FAT3: variants seen among roughly 807,000 people sequenced by gnomAD.
FAT3 encodes the protein protocadherin Fat 3.
A neutral mutation model predicts 310.2 loss-of-function variants in FAT3; 95 were observed. The observed-to-expected ratio is 0.31, with a 90% CI of 0.26 to 0.36. FAT3 has a LOEUF of 0.36. Ranked by LOEUF, FAT3 falls within the 10% of genes least tolerant of loss-of-function variation. The pLI is 1.00. For missense variants in FAT3, 5,408 were observed against 5,715.6 expected (o/e 0.95, Z 1.74); for synonymous variants, 2,314 against 2,192.9 (o/e 1.06, Z -1.54).
chr11:92,324,216 T>A (rs1428785282), intron 1 of FAT3, among the ~76,000 whole-genome samples: 2 of 152,236 alleles, frequency 1.3e-5, no homozygotes, highest in South Asian at 2.1e-4. Context: ...GTAGCACTTA[T>A]AATTTCCTGC....
intron 1 of FAT3, among the ~76,000 whole-genome samples, chr11:92,326,341 C>T (rs1276578725): frequency 6.6e-6 from 1 of 152,194 alleles, no homozygotes; most frequent in Non-Finnish European, 1.5e-5. Flanking sequence ...TACAATATTG[C>T]AGACTTCAGC....
intron 1 of FAT3, among the ~76,000 whole-genome samples, chr11:92,273,253 T>G (rs1241093609): frequency 6.6e-6 from 1 of 152,128 alleles, no homozygotes; most frequent in African/African-American, 2.4e-5. Flanking sequence ...CTTGTATCTC[T>G]GCCTTTAAAA....
intron 9 of FAT3, among the ~76,000 whole-genome samples, chr11:92,797,189 T>G (rs1262440195): frequency 2.6e-5 from 4 of 152,034 alleles, no homozygotes; most frequent in Non-Finnish European, 1.5e-5. Flanking sequence ...GTCAGGAAAA[T>G]TCATCACACT....
At chr11:92,850,847 T>C (rs1948809933) in intron 19 of FAT3, among the ~76,000 whole-genome samples, 4 of 152,164 alleles carry the variant, frequency 2.6e-5, no homozygotes, top group Admixed American at 1.3e-4. Context: ...CGAAACCTTA[T>C]AAAACTTCCA....
intron 3 of FAT3, among the ~76,000 whole-genome samples, chr11:92,638,465 G>C (rs889897312): frequency 6.6e-6 from 1 of 152,134 alleles, no homozygotes; most frequent in Admixed American, 6.6e-5. Context: ...TTACCTGTAA[G>C]TGAATTAAAA....
intron 3 of FAT3, among the ~76,000 whole-genome samples, chr11:92,685,384 C>T (rs949376401): frequency 2.0e-5 from 3 of 151,880 alleles, no homozygotes; most frequent in Non-Finnish European, 4.4e-5. Context: ...TGTTAAAAAC[C>T]CATAGCAATA....
chr11:92,275,172 G>A (rs928376062), intron 1 of FAT3, among the ~76,000 whole-genome samples: 6 of 151,972 alleles, frequency 3.9e-5, no homozygotes, highest in South Asian at 2.1e-4. Context: ...TCTTTGTCAC[G>A]GGTGCCATAA....
At chr11:92,882,661 G>C (rs2136406457) in intron 23 of FAT3, 77 bp from the exon 24 acceptor site, 1 of 1,319,638 alleles carries the variant, frequency 7.6e-7, no homozygotes, top group Non-Finnish European at 1.0e-6. Flanking sequence ...AAAGATGTCT[G>C]TGTTTTCTCG....
intron 1 of FAT3, among the ~76,000 whole-genome samples, chr11:92,343,693 T>C (rs1470939703): frequency 6.6e-6 from 1 of 152,226 alleles, no homozygotes; most frequent in African/African-American, 2.4e-5. Context: ...ATGGAGCAGT[T>C]GTCTCATTCT....
intron 22 of FAT3, among the ~76,000 whole-genome samples, chr11:92,877,769 T>C (rs796828906): frequency 3.3e-5 from 5 of 152,284 alleles, no homozygotes; most frequent in African/African-American, 9.6e-5. Context: ...ATTTGGAAGA[T>C]AGAAAATGTA....
Position 92,893,070 on chromosome 11 carries a change from T to C in FAT3, c.*1957T>C, listed in dbSNP as rs1453992171. 6.6e-6 allele frequency: 1 copy of C among 152,222 alleles called. No homozygotes were observed. The highest frequency in any genetic ancestry group is 1.9e-4 in the East Asian group (1 of 5,198). The allele number at this position is 152,222 out of a possible 1,614,324, so 9.4% of individuals were successfully genotyped here. A position where few individuals can be genotyped will look rare whatever the true frequency, so the allele number is the denominator to read the frequency against. On this transcript the variant is annotated 3_prime_UTR_variant, in exon 28 of 28. Transcript: ENST00000525166. ...TGTAAATTGTACTGTCCCTAGTCTGTGCATTATTCACTCAGACATATTTTT... is the reference window on the plus strand; with the variant it reads ...TGTAAATTGTACTGTCCCTAGTCTGCGCATTATTCACTCAGACATATTTTT...
At position 92,892,693 on chromosome 11, in the gene FAT3, G is replaced by A. The variant is rs1200515609; in HGVS notation, c.*1580G>A. The A allele has an allele frequency of 6.6e-6, 1 of 152,228 alleles. No individual in the cohort carries two copies. The allele number at this position is 152,228 out of a possible 1,614,324, so 9.4% of individuals were successfully genotyped here. ...CCCAAAGTGCTGGGATTACAGGCAT[G>A]AGCCACCGTGCCCAGCCCAAAACTG... is the stretch of plus-strand genomic sequence containing the variant. On this transcript the variant is annotated 3_prime_UTR_variant, in exon 28 of 28. Coordinates refer to ENST00000525166, the MANE Select transcript of FAT3 (RefSeq NM_001367949.2).
At chr11:92,647,721 C>A (rs921146229) in intron 3 of FAT3, among the ~76,000 whole-genome samples, 1 of 152,066 alleles carries the variant, frequency 6.6e-6, no homozygotes, top group Non-Finnish European at 1.5e-5. Context: ...AATAAACTAT[C>A]AATTAAATGG....
intron 2 of FAT3, among the ~76,000 whole-genome samples, chr11:92,503,942 G>A (rs148074118): frequency 6.6e-6 from 1 of 152,070 alleles, no homozygotes; most frequent in Non-Finnish European, 1.5e-5. Flanking sequence ...AGTGGCAGAG[G>A]TTATGGTGAA....
intron 2 of FAT3, among the ~76,000 whole-genome samples, chr11:92,376,582 G>C (rs1358293523): frequency 2.0e-5 from 3 of 152,054 alleles, no homozygotes; most frequent in Non-Finnish European, 4.4e-5. Flanking sequence ...TTTCCTAGTC[G>C]GTTCATGGGA....
At chr11:92,514,198 A>G (rs961322853) in intron 2 of FAT3, among the ~76,000 whole-genome samples, 7 of 152,166 alleles carry the variant, frequency 4.6e-5, no homozygotes, top group African/African-American at 1.7e-4. Context: ...GTTCTGCCAA[A>G]ACAAACATAC....
At chr11:92,836,920 A>T (rs541388058) in intron 16 of FAT3, among the ~76,000 whole-genome samples, 27 of 152,328 alleles carry the variant, frequency 1.8e-4, no homozygotes, top group South Asian at 6.2e-4. Context: ...TAAAGAAAAG[A>T]TAAATATGTA....
chr11:92,496,857 T>G (rs1952783426), intron 2 of FAT3, among the ~76,000 whole-genome samples: 2 of 152,048 alleles, frequency 1.3e-5, no homozygotes, highest in African/African-American at 4.8e-5. Flanking sequence ...GAAGAGGCAC[T>G]GAAGGCAACA....
At chr11:92,382,039 G>A (rs572862616) in intron 2 of FAT3, among the ~76,000 whole-genome samples, 6 of 152,212 alleles carry the variant, frequency 3.9e-5, no homozygotes, top group African/African-American at 1.4e-4. Flanking sequence ...GGATATCAAG[G>A]AGAAAATTGA....
Sources: gnomAD v4.1 joint callset for allele counts (sites outside exome capture counted in the v4.1 genomes callset) on GRCh38, gnomAD v4.1.1 for gene constraint, MANE v1.5 for transcripts, NCBI Gene and HGNC (gene_info 2026-07-23, HGNC 2026-07-21) for gene names.